WWOX: variants seen among roughly 807,000 people sequenced by gnomAD.
WWOX encodes WW domain containing oxidoreductase, also known as WW domain-containing oxidoreductase.
WWOX carries 69 observed loss-of-function variants against 46.2 expected under a neutral mutation model. The ratio of observed to expected loss-of-function variants is 1.49; its 90% confidence interval spans 1.23 to 1.82. The LOEUF (loss-of-function observed/expected upper bound fraction) is 1.82. Ranked by LOEUF, WWOX falls within the 40% of genes most tolerant of loss-of-function variation. WWOX has a pLI of 0.00. For synonymous variants in WWOX, 359 were observed against 202.6 expected (o/e 1.77, Z -6.56); for missense variants, 919 against 542.6 (o/e 1.69, Z -6.89).
intron 8 of WWOX, among the ~76,000 whole-genome samples, chr16:78,641,731 C>A (rs945075463): frequency 6.6e-6 from 1 of 152,148 alleles, no homozygotes; most frequent in African/African-American, 2.4e-5. Flanking sequence ...CAGTGATAGA[C>A]CCTGAGTAGC....
At position 78,691,883 on chromosome 16, in the gene WWOX, A is replaced by G. The variant is rs984331436; in HGVS notation, c.1056+259131A>G. Among the ~76,000 whole-genome samples, 4 of 152,270 alleles carry G rather than the reference A, an allele frequency of 2.6e-5. No homozygotes were observed. In the South Asian group the frequency reaches 6.2e-4, roughly 24 times the overall value. ...TTCCCACATGTTGTGGGAGGGACCCAGGGGGAGGTAATTGAATCATGGGGC... is the reference window on the plus strand; with the variant it reads ...TTCCCACATGTTGTGGGAGGGACCCGGGGGGAGGTAATTGAATCATGGGGC... On this transcript the variant is annotated intron_variant, in intron 8 of 8. Transcript: ENST00000566780.
chr16:78,383,188 T>A (rs1487213403), intron 5 of WWOX, among the ~76,000 whole-genome samples: 2 of 151,802 alleles, frequency 1.3e-5, no homozygotes, highest in South Asian at 2.1e-4. Context: ...GAGATTTGGG[T>A]AGGGACACAG....
At chr16:78,271,100 A>T (rs2079469451) in intron 5 of WWOX, among the ~76,000 whole-genome samples, 1 of 152,226 alleles carries the variant, frequency 6.6e-6, no homozygotes, top group African/African-American at 2.4e-5. Flanking sequence ...CATTAAGCTA[A>T]TTACTTTAAA....
chr16:78,411,010 C>G (rs937747260), intron 6 of WWOX, among the ~76,000 whole-genome samples: 2 of 152,118 alleles, frequency 1.3e-5, no homozygotes, highest in African/African-American at 2.4e-5. Context: ...GTTGATAACA[C>G]AGCAGTTAGC....
At chr16:79,160,352 G>A (rs78512883) in intron 8 of WWOX, among the ~76,000 whole-genome samples, 7 of 152,066 alleles carry the variant, frequency 4.6e-5, no homozygotes, top group Middle Eastern at 3.2e-3. Flanking sequence ...GAGGTGGAGG[G>A]TTGCTACCTA....
At chr16:78,561,445 G>C (rs1298818727) in intron 8 of WWOX, among the ~76,000 whole-genome samples, 3 of 152,314 alleles carry the variant, frequency 2.0e-5, no homozygotes, top group Middle Eastern at 3.4e-3. Flanking sequence ...CTGATGTGGA[G>C]TCTTAATTAA....
intron 8 of WWOX, among the ~76,000 whole-genome samples, chr16:79,164,397 TC>T (rs555106366): frequency 5.3e-4 from 80 of 152,258 alleles, no homozygotes; most frequent in African/African-American, 1.8e-3. Flanking sequence ...AGCCATTTTT[TC>T]CCCGACAGGC....
At chr16:78,397,121 CA>C (rs2082305232) in intron 6 of WWOX, among the ~76,000 whole-genome samples, 1 of 152,140 alleles carries the variant, frequency 6.6e-6, no homozygotes, top group African/African-American at 2.4e-5. Context: ...GAAACTCCCC[CA>C]TGATATTTCA....
chr16:78,442,827 C>CA (rs1222182853), intron 8 of WWOX, among the ~76,000 whole-genome samples: 1 of 151,212 alleles, frequency 6.6e-6, no homozygotes, highest in Non-Finnish European at 1.5e-5. Flanking sequence ...TAAAAAGATA[C>CA]AAAAAAATTG....
At chr16:78,857,000 A>G (rs1342654204) in intron 8 of WWOX, among the ~76,000 whole-genome samples, 1 of 152,210 alleles carries the variant, frequency 6.6e-6, no homozygotes, top group African/African-American at 2.4e-5. Context: ...CAATTTTAAT[A>G]CAATGCTAAG....
chr16:78,845,293 A>G (rs981414394), intron 8 of WWOX, among the ~76,000 whole-genome samples: 1 of 151,848 alleles, frequency 6.6e-6, no homozygotes, highest in African/African-American at 2.4e-5. Flanking sequence ...TTACTGCATC[A>G]TGGGTGAAGA....
chr16:78,850,846 G>A (rs1386595067), intron 8 of WWOX, among the ~76,000 whole-genome samples: 1 of 152,124 alleles, frequency 6.6e-6, no homozygotes, highest in Non-Finnish European at 1.5e-5. Context: ...TCTATTTTTG[G>A]TGATTGAGTA....
intron 8 of WWOX, among the ~76,000 whole-genome samples, chr16:78,604,163 T>C (rs756916733): frequency 6.6e-6 from 1 of 152,024 alleles, no homozygotes; most frequent in Non-Finnish European, 1.5e-5. Context: ...TAAATAAAAT[T>C]AGAATCTGAA....
At chr16:78,860,180 T>G (rs1292611676) in intron 8 of WWOX, among the ~76,000 whole-genome samples, 1 of 152,190 alleles carries the variant, frequency 6.6e-6, no homozygotes, top group South Asian at 2.1e-4. Context: ...TTGTATTAGT[T>G]GAGAAATTTT....
At chr16:78,650,306 C>G (rs945626653) in intron 8 of WWOX, among the ~76,000 whole-genome samples, 1 of 152,166 alleles carries the variant, frequency 6.6e-6, no homozygotes, top group Non-Finnish European at 1.5e-5. Context: ...TTTTGTCTTT[C>G]AGAATAACAT....
At chr16:78,617,649 G>C (rs1284123607) in intron 8 of WWOX, among the ~76,000 whole-genome samples, 1 of 152,092 alleles carries the variant, frequency 6.6e-6, no homozygotes, top group Non-Finnish European at 1.5e-5. Flanking sequence ...GAGTCCCCCT[G>C]CTCCTCAAGC....
At chr16:78,434,275 C>T (rs79852442) in intron 8 of WWOX, among the ~76,000 whole-genome samples, 2,671 of 152,148 alleles carry the variant, frequency 0.018, 78 homozygotes, top group African/African-American at 0.059. Context: ...TGTTCCATGC[C>T]GCAGGGTGGG....
At chr16:78,550,005 C>G (rs1270923009) in intron 8 of WWOX, among the ~76,000 whole-genome samples, 3 of 152,162 alleles carry the variant, frequency 2.0e-5, no homozygotes, top group Admixed American at 1.3e-4. Context: ...AGGGAAATGC[C>G]TAGGTTGAAA....
At chr16:78,804,338 G>C (rs567341909) in intron 8 of WWOX, among the ~76,000 whole-genome samples, 1 of 151,718 alleles carries the variant, frequency 6.6e-6, no homozygotes, top group African/African-American at 2.4e-5. Flanking sequence ...AAGCTGTTTA[G>C]ACTCTGACTT....
Sources: gnomAD v4.1 joint callset for allele counts (sites outside exome capture counted in the v4.1 genomes callset) on GRCh38, gnomAD v4.1.1 for gene constraint, MANE v1.5 for transcripts, NCBI Gene and HGNC (gene_info 2026-07-23, HGNC 2026-07-21) for gene names.